PCDH15: variants seen among roughly 807,000 people sequenced by gnomAD.
PCDH15 encodes the protein protocadherin-15.
A neutral mutation model predicts 178.5 loss-of-function variants in PCDH15; 129 were observed. The observed-to-expected ratio is 0.72, with a 90% CI of 0.63 to 0.84. PCDH15 has a LOEUF of 0.84. Among genes scored for constraint, PCDH15 ranks in the 40% least tolerant of loss-of-function variants. The probability of loss-of-function intolerance (pLI) is 0.00; values close to 1 mark genes in which losing one functional copy is unlikely to be tolerated. For synonymous variants in PCDH15, 800 were observed against 732.0 expected, an observed-to-expected ratio of 1.09 and a Z score of -1.50; for missense variants, 2,230 against 2,099.9, an observed-to-expected ratio of 1.06 and a Z score of -1.21.
intron 6 of PCDH15, among the ~76,000 whole-genome samples, chr10:54,342,575 G>GGAGTCCCCACACA (rs58485279): frequency 0.33 from 49,422 of 151,812 alleles, 9,066 homozygotes; most frequent in African/African-American, 0.51. Context: ...AAGTGGAATT[G>GGAGTCCCCACACA]GAGTCCCCAC....
intron 28 of PCDH15, among the ~76,000 whole-genome samples, chr10:53,855,401 G>GT (rs2078657151): frequency 2.0e-5 from 3 of 151,972 alleles, no homozygotes; most frequent in Non-Finnish European, 4.4e-5. Context: ...AAAAGGCTCA[G>GT]TGTATATAAA....
At position 54,801,172 on chromosome 10, in the gene PCDH15, C is replaced by T. The variant is rs1952626874; in HGVS notation, c.-276G>A. 6.6e-6 allele frequency: 1 copy of T among 152,146 alleles called. No individual in the cohort carries two copies. Among genetic ancestry groups the T allele is most frequent in the South Asian group, 2.1e-4 (1 of 4,828 alleles). 9.4% of individuals were successfully genotyped at this position (152,146 alleles called of 1,614,324 possible). On this transcript the variant is annotated 5_prime_UTR_variant, in exon 1 of 38. Transcript: ENST00000644397. ...TCAACATGTTAACTCAGAAAGCATACCATCATTCTCCACGTTCTGAGATGT... is the reference window on the plus strand; with the variant it reads ...TCAACATGTTAACTCAGAAAGCATATCATCATTCTCCACGTTCTGAGATGT...
Position 55,060,075 on chromosome 10 carries a change from A to T in PCDH15, c.-80+106501T>A, listed in dbSNP as rs972571307. Among the ~76,000 whole-genome samples, 26 of 152,042 alleles carry T rather than the reference A, an allele frequency of 1.7e-4. 2 individuals are homozygous for T. Among genetic ancestry groups the T allele is most frequent in the Admixed American group, 1.6e-3 (25 of 15,276 alleles). The stretch of plus-strand genomic sequence containing the variant: ...TCTACTGCAGATTGTATCACCATAG[A>T]GTTCAATGTAATAATAGAATACACA... On this transcript the variant is annotated intron_variant, in intron 2 of 5. Coordinates refer to the PCDH15 transcript ENST00000458638.
chr10:55,072,948 G>A lies in PCDH15; in HGVS notation c.-80+93628C>T, dbSNP rs891805746. On this transcript the variant is annotated intron_variant, in intron 2 of 5. Transcript: ENST00000458638. ...GGGATGCAAGGCTGGTTCAATATAC[G>A]CAAATCAATAAATGTAATCCAGCAT... 5.7e-3 allele frequency among the ~76,000 whole-genome samples: 864 copies of A among 151,372 alleles called. 6 individuals carry two copies. Among genetic ancestry groups the A allele is most frequent in the Non-Finnish European group, 9.7e-3 (661 of 67,808 alleles).
intron 1 of PCDH15, among the ~76,000 whole-genome samples, chr10:54,733,525 G>T (rs1943681820): frequency 6.6e-6 from 1 of 151,482 alleles, no homozygotes; most frequent in African/African-American, 2.4e-5. Flanking sequence ...TTATTAATGA[G>T]ATAAATTATT....
chr10:55,106,168 G>A (rs970486272), intron 2 of PCDH15, among the ~76,000 whole-genome samples: 3 of 152,068 alleles, frequency 2.0e-5, no homozygotes, highest in Non-Finnish European at 4.4e-5. Flanking sequence ...AATATTTTCA[G>A]GAATTTATCA....
intron 18 of PCDH15, among the ~76,000 whole-genome samples, chr10:54,057,002 G>A (rs2093905972): frequency 6.6e-6 from 1 of 152,210 alleles, no homozygotes; most frequent in Non-Finnish European, 1.5e-5. Context: ...TTGACTCCAT[G>A]TGTCACATCC....
chr10:54,450,413 T>G (rs149892569), intron 3 of PCDH15, among the ~76,000 whole-genome samples: 3 of 151,564 alleles, frequency 2.0e-5, no homozygotes, highest in African/African-American at 7.2e-5. Flanking sequence ...GTTTCTTCCT[T>G]TTTTTATTTT....
At chr10:54,539,149 C>T (rs756109579) in intron 2 of PCDH15, among the ~76,000 whole-genome samples, 3 of 152,060 alleles carry the variant, frequency 2.0e-5, no homozygotes, top group Non-Finnish European at 2.9e-5. Flanking sequence ...CTTGGTTAGA[C>T]GTACTATCTA....
intron 2 of PCDH15, among the ~76,000 whole-genome samples, chr10:54,587,451 A>C (rs1485548795): frequency 6.6e-6 from 1 of 152,090 alleles, no homozygotes; most frequent in African/African-American, 2.4e-5. Context: ...GAGCTTATTG[A>C]CATAAATGAA....
rs572152722 is a variant in PCDH15, at chr10:53,808,716, A to G, written c.4672-1586T>C. ...TTCAAAGTGCTGTGTTGTAACCTTC[A>G]GAGTTTGCTCCTGGCGACTTCTTTT... is the stretch of plus-strand genomic sequence containing the variant. On this transcript the variant is annotated intron_variant, in intron 37 of 37. Transcript: ENST00000644397. 1.2e-5 allele frequency: 19 copies of G among 1,613,098 alleles called. No homozygotes were observed. The African/African-American group carries it at 1.7e-4, about 15-fold the overall frequency.
intron 1 of PCDH15, among the ~76,000 whole-genome samples, chr10:55,280,269 CTTTTTTT>C (rs1007536850): frequency 1.5e-5 from 1 of 65,992 alleles, no homozygotes; most frequent in Non-Finnish European, 3.0e-5. Flanking sequence ...TATTTTGATT[CTTTTTTT>C]TTTTTTTTTT....
At chr10:54,184,847 A>G (rs923576313) in intron 12 of PCDH15, among the ~76,000 whole-genome samples, 45 of 152,180 alleles carry the variant, frequency 3.0e-4, no homozygotes, top group African/African-American at 8.9e-4. Flanking sequence ...CCTCAATTTA[A>G]GACAATTATG....
intron 8 of PCDH15, among the ~76,000 whole-genome samples, chr10:54,315,234 T>C (rs1041079623): frequency 5.3e-5 from 8 of 152,212 alleles, no homozygotes; most frequent in Non-Finnish European, 1.0e-4. Flanking sequence ...TCATTTTGAC[T>C]GACTGTGCAA....
intron 2 of PCDH15, among the ~76,000 whole-genome samples, chr10:55,514,236 G>A (rs1840955075): frequency 6.6e-6 from 1 of 152,118 alleles, no homozygotes; most frequent in Non-Finnish European, 1.5e-5. Context: ...GGTAAGAGAT[G>A]CCATCAAATT....
chr10:53,943,629 T>C (rs1271620139), intron 23 of PCDH15, among the ~76,000 whole-genome samples: 1 of 152,174 alleles, frequency 6.6e-6, no homozygotes. Flanking sequence ...GTAATTGGCA[T>C]AATTTAAGAA....
intron 15 of PCDH15, among the ~76,000 whole-genome samples, chr10:54,119,456 T>C (rs573805435): frequency 6.6e-6 from 1 of 151,858 alleles, no homozygotes; most frequent in Non-Finnish European, 1.5e-5. Flanking sequence ...GAAAAAAGAA[T>C]TTTTTAAAAT....
chr10:54,808,297 AAGGTTGTT>A (rs1370148281), intron 3 of PCDH15, among the ~76,000 whole-genome samples: 2 of 152,174 alleles, frequency 1.3e-5, no homozygotes, highest in Non-Finnish European at 2.9e-5. Flanking sequence ...AGCCTTAGAC[AAGGTTGTT>A]GAGGGAAAAC....
At chr10:55,474,850 T>A (rs1424894318) in intron 2 of PCDH15, among the ~76,000 whole-genome samples, 1 of 152,140 alleles carries the variant, frequency 6.6e-6, no homozygotes, top group Non-Finnish European at 1.5e-5. Flanking sequence ...ATTCTGTAAA[T>A]TCTGCCTTCA....
Sources: allele counts gnomAD v4.1 joint callset (sites outside exome capture counted in the v4.1 genomes callset), GRCh38; gene constraint gnomAD v4.1.1; transcripts MANE v1.5; gene names NCBI Gene and HGNC (gene_info 2026-07-23, HGNC 2026-07-21).